Variants in UNC13C observed in about 807,000 individuals in gnomAD.
UNC13C encodes unc-13 homolog C, also known as protein unc-13 homolog C.
UNC13C carries 174 observed loss-of-function variants against 245.4 expected under a neutral mutation model. The ratio of observed to expected loss-of-function variants is 0.71; its 90% CI spans 0.63 to 0.80. UNC13C has a LOEUF of 0.80. Among genes scored for constraint, UNC13C ranks in the 30% least tolerant of loss-of-function variants. The pLI is 0.00. For missense variants in UNC13C, 2,829 were observed against 2,602.9 expected, an observed-to-expected ratio of 1.09 and a Z score of -1.89; for synonymous variants, 992 against 895.1, an observed-to-expected ratio of 1.11 and a Z score of -1.93.
chr15:53,867,157 C>T, the UNC13C span, among the ~76,000 whole-genome samples: 2 of 152,040 alleles, frequency 1.3e-5, no homozygotes, highest in East Asian at 3.9e-4. Flanking sequence ...GAGGAATTTC[C>T]AGTAAATTTA....
chr15:53,974,822 G>C (rs1393160601), upstream of UNC13C: 1 of 151,874 alleles, frequency 6.6e-6, no homozygotes, highest in Admixed American at 6.6e-5. Context: ...GCTTACCTGG[G>C]TTTTTCTGCC....
At chr15:54,391,953 A>C (rs572284995) in intron 17 of UNC13C, among the ~76,000 whole-genome samples, 1 of 152,200 alleles carries the variant, frequency 6.6e-6, no homozygotes, top group African/African-American at 2.4e-5. Flanking sequence ...ATCTGGTCAC[A>C]GCAGAAGACA....
intron 17 of UNC13C, among the ~76,000 whole-genome samples, chr15:54,363,291 T>C (rs548982870): frequency 6.6e-6 from 1 of 152,264 alleles, no homozygotes; most frequent in Non-Finnish European, 1.5e-5. Context: ...GTATTTTTAT[T>C]AGACACGGGG....
At chr15:54,412,689 A>AGACAAT (rs1192958782) in intron 18 of UNC13C, among the ~76,000 whole-genome samples, 2 of 152,196 alleles carry the variant, frequency 1.3e-5, no homozygotes, top group African/African-American at 2.4e-5. Flanking sequence ...TTTTCTATGC[A>AGACAAT]GACAATTTTT....
intron 19 of UNC13C, among the ~76,000 whole-genome samples, chr15:54,484,099 A>C (rs1001011761): frequency 1.3e-5 from 2 of 150,808 alleles, no homozygotes; most frequent in Non-Finnish European, 2.9e-5. Context: ...AAAAACCAGC[A>C]TCTAGGAAGC....
intron 18 of UNC13C, among the ~76,000 whole-genome samples, chr15:54,401,627 A>G (rs1321018320): frequency 6.6e-6 from 1 of 152,202 alleles, no homozygotes; most frequent in Admixed American, 6.5e-5. Flanking sequence ...AGAGAGAAGA[A>G]GGTAGTTGAC....
rs148869486 is a variant in UNC13C, at chr15:54,015,599, A to T, written c.2696A>T (p.Asp899Val). ...AACAGGACTAGTATTACTGAAACAG[A>T]TGAACAAATGCAAGCATATGATCAC... ...LENRTSITET[D>V]EQMQAYDHLS... The change falls in exon 2 of 33, where the codon GAT becomes GTT. Residue 899 changes from aspartate (D) to valine (V), a missense_variant. Physicochemically the swap from Asp to Val is radical, Grantham distance 152. Transcript: ENST00000260323. 116 of 1,613,884 alleles carry T rather than the reference A, an allele frequency of 7.2e-5. No individual in the cohort carries two copies. The African/African-American group carries it at 1.5e-3, about 21-fold the overall frequency.
chr15:54,448,283 A>G (rs971681504), intron 19 of UNC13C, among the ~76,000 whole-genome samples: 81 of 152,314 alleles, frequency 5.3e-4, no homozygotes, highest in African/African-American at 1.9e-3. Context: ...GTAGATGTCT[A>G]GTAGGTCCGC....
chr15:53,924,244 AAAAG>A, the UNC13C span, among the ~76,000 whole-genome samples: 2 of 142,402 alleles, frequency 1.4e-5, no homozygotes, highest in African/African-American at 4.9e-5. Context: ...CAAAAACAAA[AAAAG>A]AGATAGCACG....
chr15:54,608,550 A>G (rs1899901328), intron 30 of UNC13C, among the ~76,000 whole-genome samples: 1 of 152,176 alleles, frequency 6.6e-6, no homozygotes, highest in Non-Finnish European at 1.5e-5. Flanking sequence ...TCTCGTTTAT[A>G]TTTCTCATCA....
chr15:54,182,247 T>A (rs762726882), intron 4 of UNC13C, among the ~76,000 whole-genome samples: 49 of 152,018 alleles, frequency 3.2e-4, no homozygotes, highest in Non-Finnish European at 5.9e-4. Context: ...ACTGAAGGGA[T>A]GTTGGATTTT....
the UNC13C span, among the ~76,000 whole-genome samples, chr15:53,966,976 C>A: frequency 6.6e-6 from 1 of 151,886 alleles, no homozygotes; most frequent in Non-Finnish European, 1.5e-5. Flanking sequence ...GGTAGTAATA[C>A]CAGTTGTGTT....
At chr15:54,292,746 A>C (rs74015133) in intron 10 of UNC13C, among the ~76,000 whole-genome samples, 4,430 of 151,566 alleles carry the variant, frequency 0.029, 214 homozygotes, top group African/African-American at 0.1. Context: ...GGTTCATAAC[A>C]CTTAGAATGT....
intron 19 of UNC13C, among the ~76,000 whole-genome samples, chr15:54,446,225 G>A (rs546173929): frequency 9.9e-5 from 15 of 152,246 alleles, no homozygotes; most frequent in South Asian, 4.1e-4. Flanking sequence ...GTCAGGTAGC[G>A]TGATGCCTCC....
chr15:53,924,766 T>A, the UNC13C span, among the ~76,000 whole-genome samples: 34,056 of 152,158 alleles, frequency 0.22, 4,826 homozygotes, highest in Non-Finnish European at 0.31. Context: ...AATCAAAGAC[T>A]TTTGAACACT....
Position 54,622,348 on chromosome 15 carries a change from T to G in UNC13C, c.6128T>G (p.Val2043Gly). 6.2e-7 allele frequency: 1 copy of G among 1,613,316 alleles called. No individual in the cohort carries two copies. Among genetic ancestry groups the G allele is most frequent in the Non-Finnish European group, 8.5e-7 (1 of 1,179,432 alleles). Residue 2043 changes from valine to glycine, a missense_variant, in exon 31 of 33, where the codon GTG becomes GGG. Physicochemically the swap from Val to Gly is moderately radical, Grantham distance 109. Transcript: ENST00000260323. ...TSQSRSSKDA[V>G]GQISVHVDIT... ...TCAGGTCGTTCCTCCAAAGATGCCG[T>G]GGGTCAGATATCTGTTCATGTGGAC...
intron 4 of UNC13C, among the ~76,000 whole-genome samples, chr15:54,203,752 A>C (rs1449642348): frequency 9.9e-6 from 1 of 101,064 alleles, no homozygotes; most frequent in Admixed American, 9.8e-5. Flanking sequence ...ATATGTATAT[A>C]TACACATATA....
chr15:54,408,098 G>T (rs931940792), intron 18 of UNC13C, among the ~76,000 whole-genome samples: 7 of 150,672 alleles, frequency 4.6e-5, no homozygotes, highest in African/African-American at 1.5e-4. Flanking sequence ...CTACTCGGGA[G>T]GCTGAGGCAG....
chr15:53,936,992 A>G, the UNC13C span, among the ~76,000 whole-genome samples: 2 of 152,294 alleles, frequency 1.3e-5, no homozygotes, highest in African/African-American at 2.4e-5. Context: ...AATGACTGCA[A>G]CACCTCTCCA....
Sources: gnomAD v4.1 joint callset for allele counts (sites outside exome capture counted in the v4.1 genomes callset) on GRCh38, gnomAD v4.1.1 for gene constraint, MANE v1.5 for transcripts, NCBI Gene and HGNC (gene_info 2026-07-23, HGNC 2026-07-21) for gene names.